PRRT1: variants seen among roughly 807,000 people sequenced by gnomAD.
The protein encoded by PRRT1 is proline-rich transmembrane protein 1.
In PRRT1, 8 loss-of-function variants were observed where a neutral mutation model predicts 22.6. The observed-to-expected ratio is 0.35, with a 90% confidence interval of 0.21 to 0.64. PRRT1 has a LOEUF of 0.64. Among genes scored for constraint, PRRT1 ranks in the 30% least tolerant of loss-of-function variants. PRRT1 has a pLI of 0.69. For synonymous variants in PRRT1, 176 were observed against 203.6 expected (o/e 0.86, Z 1.15); for missense variants, 315 against 444.5 (o/e 0.71, Z 2.62).
At position 32,148,727 on chromosome 6, in the gene PRRT1, G is replaced by T; in HGVS notation, c.*495C>A. The T allele has an allele frequency of 2.2e-6, 1 of 455,774 alleles. No individual in the cohort carries two copies. Among genetic ancestry groups the T allele is most frequent in the Non-Finnish European group, 4.4e-6 (1 of 226,076 alleles). 28.2% of individuals were successfully genotyped at this position (455,774 alleles called of 1,614,324 possible). On this transcript the variant is annotated 3_prime_UTR_variant, in exon 4 of 4. Coordinates refer to ENST00000211413, the MANE Select transcript of PRRT1 (RefSeq NM_030651.4). The surrounding 1 kb of genome is among the most constrained non-coding windows in gnomAD (Gnocchi z 5.7). ...TGGGGGCCTTACTACCCCAGGGCTCGGTCCTTTTGCCGGAAGAAAGGGAGG... is the reference window on the plus strand; with the variant it reads ...TGGGGGCCTTACTACCCCAGGGCTCTGTCCTTTTGCCGGAAGAAAGGGAGG...
rs897020247 is a variant in PRRT1 at position 32,150,627 on chromosome 6, C to T, written c.299G>A (p.Gly100Asp). ...PGPAAGAPPP[G>D]CATLPRMPPD... is the part of the protein sequence containing the mutation. ...TGGCATGCGGGGCAAGGTAGCGCAG[C>T]CGGGTGGGGGTGCCCCGGCAGCAGG... Residue 100 changes from glycine to aspartate, a missense_variant, in exon 2 of 4, where the codon GGC becomes GAC. Gly to Asp is a moderately conservative substitution (Grantham distance 94). Transcript: ENST00000211413. This position sits in a 1 kb window ranked among gnomAD's most constrained non-coding sequence, Gnocchi z 7.2. 7.8e-6 allele frequency: 11 copies of T among 1,412,920 alleles called. No homozygotes were observed. Among genetic ancestry groups the T allele is most frequent in the Non-Finnish European group, 8.3e-6 (9 of 1,088,596 alleles). The allele number at this position is 1,412,920 out of a possible 1,614,324, so 87.5% of individuals were successfully genotyped here. A position where few individuals can be genotyped will look rare whatever the true frequency, so the allele number is the denominator to read the frequency against.
Position 32,150,536 on chromosome 6 carries a change from G to A in PRRT1, c.390C>T (p.Ala130=). The A allele has an allele frequency of 8.8e-6, 12 of 1,364,778 alleles. No homozygotes were observed. The highest frequency in any genetic ancestry group is 1.1e-5 in the Non-Finnish European group (12 of 1,061,398). 84.5% of individuals were successfully genotyped at this position (1,364,778 alleles called of 1,614,324 possible). A position where few individuals can be genotyped will look rare whatever the true frequency, so the allele number is the denominator to read the frequency against. The change falls in exon 2 of 4, where the codon GCC becomes GCT. Residue 130 remains alanine, a synonymous_variant. Transcript: ENST00000211413. The surrounding 1 kb of genome is among the most constrained non-coding windows in gnomAD (Gnocchi z 7.2). Reference sequence around the variant, plus strand: ...GGGCTGGCGCCGGCGGGGGCGGGGCGGCGGCAGCGGGCGGCGGCGGGGGAA... The same window carrying A: ...GGGCTGGCGCCGGCGGGGGCGGGGCAGCGGCAGCGGGCGGCGGCGGGGGAA... ...GPLPPPPPAA[A]APPPPAPAQT...
rs1382926416 is a variant in PRRT1, at chr6:32,149,594, C to T, written c.687G>A (p.Leu229=). ...PPHDYMPIAV[L]TTICCFWPTG... ...TAGGCCAGAAGCAACAGATGGTGGT[C>T]AGCACCGCGATGGGCATGTAGTCGT... is the stretch of plus-strand genomic sequence containing the variant. The change falls in exon 3 of 4, where the codon CTG becomes CTA. Residue 229 remains leucine, a synonymous_variant. Transcript: ENST00000211413. This position sits in a 1 kb window ranked among gnomAD's most constrained non-coding sequence, Gnocchi z 8.7. 1.2e-6 allele frequency: 2 copies of T among 1,612,958 alleles called. No homozygotes were observed. Among genetic ancestry groups the T allele is most frequent in the African/African-American group, 1.3e-5 (1 of 74,946 alleles).
chr6:32,149,660 C>A lies in PRRT1; in HGVS notation c.621G>T (p.Gln207His), dbSNP rs1224632911. ...GVTSTLPPPPQGPGLALLEPR... is the reference protein window; with the variant it reads ...GVTSTLPPPPHGPGLALLEPR... Reference sequence around the variant, plus strand: ...GCTCCAGTAGGGCCAGCCCTGGGCCCTGGGGCGGCGGGGGGAGAGTGGAGG... The same window carrying A: ...GCTCCAGTAGGGCCAGCCCTGGGCCATGGGGCGGCGGGGGGAGAGTGGAGG... Residue 207 changes from glutamine (Q) to histidine (H), a missense_variant, in exon 3 of 4, where the codon CAG (glutamine) becomes CAT (histidine). Transcript: ENST00000211413. The surrounding 1 kb of genome is among the most constrained non-coding windows in gnomAD (Gnocchi z 8.7). 1.9e-6 allele frequency: 3 copies of A among 1,612,216 alleles called. No individual in the cohort carries two copies. The African/African-American group carries it at 4.0e-5, about 22-fold the overall frequency.
chr6:32,151,953 G>T (rs192471087), upstream of PRRT1: 4 of 183,460 alleles, frequency 2.2e-5, no homozygotes, highest in South Asian at 1.1e-4. Flanking sequence ...GGCAGCGGCG[G>T]GGGGGGGGGG....
chr6:32,151,227 G>T (rs1783253836), intron 1 of PRRT1: 4 of 612,536 alleles, frequency 6.5e-6, no homozygotes, highest in African/African-American at 1.9e-5. Context: ...GCTGCCTTTG[G>T]GCTGGCCTAT....
rs897161637 is a variant in PRRT1, at chr6:32,150,577, G to A, written c.349C>T (p.Arg117Cys). ...GGCGGGGGAAGTGGGCCCTCGAAGC[G>A]AGTCTCCTGCAGGTAAGGGTCGGGT... ...MPPDPYLQET[R>C]FEGPLPPPPP... Residue 117 changes from arginine to cysteine, a missense_variant, in exon 2 of 4, where the codon CGC (arginine) becomes TGC (cysteine). Around this residue, in one of 4 missense-constraint regions of PRRT1, gnomAD observed 263 missense variants for 328.5 expected, o/e 0.80. Coordinates refer to ENST00000211413, the MANE Select transcript of PRRT1 (RefSeq NM_030651.4). This position sits in a 1 kb window ranked among gnomAD's most constrained non-coding sequence, Gnocchi z 7.2. The A allele has an allele frequency of 1.5e-6, 2 of 1,367,592 alleles. No individual in the cohort carries two copies. The highest frequency in any genetic ancestry group is 1.9e-6 in the Non-Finnish European group (2 of 1,063,236). 84.7% of individuals were successfully genotyped at this position (1,367,592 alleles called of 1,614,324 possible). A position where few individuals can be genotyped will look rare whatever the true frequency, so the allele number is the denominator to read the frequency against.
At chr6:32,151,133 A>G in intron 1 of PRRT1, 1 of 696,220 alleles carries the variant, frequency 1.4e-6, no homozygotes, top group Non-Finnish European at 2.6e-6. Flanking sequence ...TGAGGTCACA[A>G]CTCTGGTCTG....
rs780007263 is a variant in PRRT1, at chr6:32,151,818, C to G, written c.10G>C (p.Glu4Gln). 29 of 1,610,182 alleles carry G rather than the reference C, an allele frequency of 1.8e-5. No individual in the cohort carries two copies. Among genetic ancestry groups the G allele is most frequent in the African/African-American group, 2.7e-5 (2 of 74,200 alleles). Residue 4 changes from glutamate (E) to glutamine (Q), a missense_variant, in exon 1 of 4, where the codon GAA (glutamate) becomes CAA (glutamine). This residue lies in a region of PRRT1 where 263 missense variants were observed against 328.5 expected (regional missense o/e 0.80). Coordinates refer to ENST00000211413, the MANE Select transcript of PRRT1 (RefSeq NM_030651.4). ...TTGTTATTGTTTTTACCTGACTTTT[C>G]GGATGACATGCCTGCGGTCTCGCTG... is the stretch of plus-strand genomic sequence containing the variant. MSS[E>Q]KSGLPDSVPH...
intron 1 of PRRT1, 131 bp downstream of exon 1, chr6:32,151,678 T>C: frequency 1.8e-6 from 1 of 557,862 alleles, no homozygotes; most frequent in African/African-American, 2.4e-5. Flanking sequence ...ACTGGGGGAG[T>C]GTTGAGAGCT....
chr6:32,149,158 G>A lies in PRRT1; in HGVS notation c.*64C>T. ...GTGCAGGGCGCCCATTGGGTCCGCG[G>A]TATGACTGCAGAAAGAGCCTGGGAG... On this transcript the variant is annotated 3_prime_UTR_variant, in exon 4 of 4. Transcript: ENST00000211413. This position sits in a 1 kb window ranked among gnomAD's most constrained non-coding sequence, Gnocchi z 8.7. The A allele has an allele frequency of 6.4e-7, 1 of 1,561,706 alleles. No homozygotes were observed. The highest frequency in any genetic ancestry group is 1.3e-5 in the African/African-American group (1 of 74,374).
At position 32,150,758 on chromosome 6, in the gene PRRT1, GAGGGTGGCGGTGCCAGACTGATGGT is replaced by G; in HGVS notation, c.143_167del (p.Tyr48SerfsTer4). On this transcript the variant is annotated frameshift_variant, in exon 2 of 4. Coordinates refer to ENST00000211413, the MANE Select transcript of PRRT1 (RefSeq NM_030651.4). LOFTEE classifies it high-confidence loss of function. This position sits in a 1 kb window ranked among gnomAD's most constrained non-coding sequence, Gnocchi z 7.2. Reference sequence around the variant, plus strand: ...CCAGGCCCCCTGCCCCTAAGCGCGGGAGGGTGGCGGTGCCAGACTGATGGTAGTGGTGGTGGTGGTGATGGTGTGA... The same window carrying G: ...CCAGGCCCCCTGCCCCTAAGCGCGGGAGTGGTGGTGGTGGTGATGGTGTGA... The G allele has an allele frequency of 6.5e-7, 1 of 1,541,460 alleles. No homozygotes were observed. Among genetic ancestry groups the G allele is most frequent in the Non-Finnish European group, 8.7e-7 (1 of 1,142,998 alleles).
rs771430980 is a variant in PRRT1 at position 32,148,965 on chromosome 6, C to CG, written c.*256dup. 2.6e-5 allele frequency: 18 copies of CG among 693,808 alleles called. No homozygotes were observed. The highest frequency in any genetic ancestry group is 1.4e-4 in the South Asian group (9 of 66,644). 43.0% of individuals were successfully genotyped at this position (693,808 alleles called of 1,614,324 possible). On this transcript the variant is annotated 3_prime_UTR_variant, in exon 4 of 4. Coordinates refer to ENST00000211413, the MANE Select transcript of PRRT1 (RefSeq NM_030651.4). The surrounding 1 kb of genome is among the most constrained non-coding windows in gnomAD (Gnocchi z 5.7). ...ACTTTGAGGGTGAGGGGGCCTGGAGCGACTGAGGGTCCGGCGTTTGGCCGG... is the reference window on the plus strand; with the variant it reads ...ACTTTGAGGGTGAGGGGGCCTGGAGCGGACTGAGGGTCCGGCGTTTGGCCGG...
chr6:32,149,761 A>C lies in PRRT1; in HGVS notation c.559-39T>G. On this transcript the variant is annotated intron_variant, in intron 2 of 3. Coordinates refer to ENST00000211413, the MANE Select transcript of PRRT1 (RefSeq NM_030651.4). This position sits in a 1 kb window ranked among gnomAD's most constrained non-coding sequence, Gnocchi z 8.7. ...TTTGGGGGGCAGGGGCATCACTCTG[A>C]CCCTCTCCCAGCCTACCAGCGTTGG... 1.5e-6 allele frequency: 2 copies of C among 1,334,260 alleles called. No homozygotes were observed. The highest frequency in any genetic ancestry group is 2.0e-6 in the Non-Finnish European group (2 of 983,586). 82.7% of individuals were successfully genotyped at this position (1,334,260 alleles called of 1,614,324 possible). A position where few individuals can be genotyped will look rare whatever the true frequency, so the allele number is the denominator to read the frequency against.
intron 1 of PRRT1, 111 bp downstream of exon 1, chr6:32,151,698 G>A (rs1414683446): frequency 1.3e-5 from 9 of 673,392 alleles, no homozygotes; most frequent in Non-Finnish European, 2.4e-5. Context: ...TGGAGAGAAG[G>A]GGAATGAAAT....
At position 32,150,547 on chromosome 6, in the gene PRRT1, G is replaced by C; in HGVS notation, c.379C>G (p.Pro127Ala). Residue 127 changes from proline to alanine, a missense_variant, in exon 2 of 4, where the codon CCC (proline) becomes GCC (alanine). By Grantham distance (27) the Pro-to-Ala change is conservative. This residue lies in a region of PRRT1 where 263 missense variants were observed against 328.5 expected (regional missense o/e 0.80). Transcript: ENST00000211413. The surrounding 1 kb of genome is among the most constrained non-coding windows in gnomAD (Gnocchi z 7.2). ...RFEGPLPPPP[P>A]AAAAPPPPAP... is the part of the protein sequence containing the mutation. ...GGCGGGGGCGGGGCGGCGGCAGCGG[G>C]CGGCGGCGGGGGAAGTGGGCCCTCG... is the stretch of plus-strand genomic sequence containing the variant. 1 of 1,364,446 alleles carries C rather than the reference G, an allele frequency of 7.3e-7. No homozygotes were observed. The highest frequency in any genetic ancestry group is 9.4e-7 in the Non-Finnish European group (1 of 1,061,502). The allele number at this position is 1,364,446 out of a possible 1,614,324, so 84.5% of individuals were successfully genotyped here.
chr6:32,151,501 C>T, intron 1 of PRRT1: 2 of 526,800 alleles, frequency 3.8e-6, no homozygotes, highest in South Asian at 4.7e-5. Context: ...TCCATGCCAG[C>T]CAGTGATTGT....
chr6:32,151,987 G>GGGGGGGGGGGGGGGGGGT, upstream of PRRT1: 1 of 205,866 alleles, frequency 4.9e-6, no homozygotes, highest in Non-Finnish European at 9.9e-6. Context: ...CGGAGGGAGA[G>GGGGGGGGGGGGGGGGGGT]CGGGGAGGGG....
Position 32,150,853 on chromosome 6 carries a change from G to A in PRRT1, c.73C>T (p.Pro25Ser). 2 of 1,583,350 alleles carry A rather than the reference G, an allele frequency of 1.3e-6. No individual in the cohort carries two copies. Among genetic ancestry groups the A allele is most frequent in the Non-Finnish European group, 1.7e-6 (2 of 1,167,056 alleles). ...GGTGGGGCTGGGGGTTCGGCTGGAGGCTGAGGGGCATTGTAGGGCGGCGGA... is the reference window on the plus strand; with the variant it reads ...GGTGGGGCTGGGGGTTCGGCTGGAGACTGAGGGGCATTGTAGGGCGGCGGA... The part of the protein sequence containing the change: ...TSPPPYNAPQ[P>S]PAEPPAPPPQ... Residue 25 changes from proline (P) to serine (S), a missense_variant, in exon 2 of 4, where the codon CCT becomes TCT. This residue lies in a region of PRRT1 where 263 missense variants were observed against 328.5 expected (regional missense o/e 0.80). Transcript: ENST00000211413. This position sits in a 1 kb window ranked among gnomAD's most constrained non-coding sequence, Gnocchi z 7.2.
Sources: allele counts gnomAD v4.1 joint callset, GRCh38; gene constraint gnomAD v4.1.1; regional missense constraint gnomAD v4.1.1; non-coding constraint Gnocchi (gnomAD v3.1); transcripts MANE v1.5; gene names NCBI Gene and HGNC (gene_info 2026-07-23, HGNC 2026-07-21).